EPB41L2: variants seen among roughly 807,000 people sequenced by gnomAD.
EPB41L2 encodes the protein band 4.1-like protein 2.
Under a neutral mutation model 113.0 loss-of-function variants are expected in EPB41L2, and 43 were observed. That is an observed-to-expected ratio of 0.38 (90% CI 0.30 to 0.49). The LOEUF is 0.49. EPB41L2 is among the 20% of genes least tolerant of loss of function. EPB41L2 has a pLI of 0.95. For synonymous variants in EPB41L2, 442 were observed against 436.7 expected, an observed-to-expected ratio of 1.01 and a Z score of -0.15; for missense variants, 1,147 against 1,223.4, an observed-to-expected ratio of 0.94 and a Z score of 0.93.
intron 14 of EPB41L2, among the ~76,000 whole-genome samples, chr6:130,872,150 AGGC>A (rs1275441070): frequency 9.9e-5 from 15 of 151,978 alleles, no homozygotes; most frequent in African/African-American, 3.1e-4. Flanking sequence ...CTCTGAATTT[AGGC>A]AGATTTTTTT....
chr6:130,940,855 T>C (rs946331655), intron 3 of EPB41L2, among the ~76,000 whole-genome samples: 2 of 152,304 alleles, frequency 1.3e-5, no homozygotes, highest in South Asian at 2.1e-4. Context: ...TTGGCACTTC[T>C]GTGCTTTTGT....
intron 1 of EPB41L2, among the ~76,000 whole-genome samples, chr6:130,961,745 T>C (rs1305153450): frequency 6.6e-6 from 1 of 152,182 alleles, no homozygotes; most frequent in Non-Finnish European, 1.5e-5. Context: ...GTAGCTCCCA[T>C]TCTTTGCTGA....
intron 19 of EPB41L2, among the ~76,000 whole-genome samples, chr6:130,857,522 T>C (rs1274698436): frequency 2.0e-5 from 3 of 151,920 alleles, no homozygotes; most frequent in Non-Finnish European, 4.4e-5. Flanking sequence ...AGAAATCTTT[T>C]CCTTTCTGGT....
chr6:130,881,762 T>C (rs1295812653), intron 12 of EPB41L2: 2 of 152,176 alleles, frequency 1.3e-5, no homozygotes, highest in African/African-American at 4.8e-5. Context: ...CTTAGTGTTA[T>C]ATAGTCTAAA....
chr6:131,019,356 T>C (rs78605985), intron 1 of EPB41L2, among the ~76,000 whole-genome samples: 1,584 of 152,336 alleles, frequency 0.01, 38 homozygotes, highest in African/African-American at 0.037. Flanking sequence ...CAGTATATTA[T>C]ATAAACTGCA....
intron 1 of EPB41L2, among the ~76,000 whole-genome samples, chr6:131,008,460 C>A (rs1206946868): frequency 1.3e-5 from 2 of 152,260 alleles, no homozygotes; most frequent in East Asian, 1.9e-4. Context: ...TCTGCTAGGG[C>A]AGTGCGGAAG....
intron 3 of EPB41L2, among the ~76,000 whole-genome samples, chr6:130,932,704 A>G (rs945271557): frequency 6.6e-6 from 1 of 152,162 alleles, no homozygotes; most frequent in Non-Finnish European, 1.5e-5. Flanking sequence ...TCCTTTTGAT[A>G]CTTATTACTT....
intron 8 of EPB41L2, among the ~76,000 whole-genome samples, chr6:130,896,994 C>T (rs1304323614): frequency 6.6e-6 from 1 of 152,088 alleles, no homozygotes; most frequent in East Asian, 1.9e-4. Flanking sequence ...AATGGCTCCC[C>T]ACAAGACGGC....
At chr6:130,907,716 A>T (rs1444805269) in intron 5 of EPB41L2, among the ~76,000 whole-genome samples, 1 of 152,200 alleles carries the variant, frequency 6.6e-6, no homozygotes, top group Non-Finnish European at 1.5e-5. Flanking sequence ...CCAAAAAGAT[A>T]AATAATTCGA....
intron 1 of EPB41L2, among the ~76,000 whole-genome samples, chr6:130,999,158 GTTC>G (rs1379228668): frequency 6.6e-6 from 1 of 151,998 alleles, no homozygotes; most frequent in African/African-American, 2.4e-5. Context: ...GCTCAATGCT[GTTC>G]TTCTCTCTCC....
intron 1 of EPB41L2, among the ~76,000 whole-genome samples, chr6:131,055,680 G>A (rs1006033163): frequency 1.3e-5 from 2 of 152,122 alleles, no homozygotes; most frequent in Admixed American, 6.5e-5. Context: ...CACAAGCTGG[G>A]TGCCCTTGAG....
intron 3 of EPB41L2, among the ~76,000 whole-genome samples, chr6:130,954,040 C>CTTTCTTTCTT (rs1816373036): frequency 2.4e-4 from 14 of 58,852 alleles, no homozygotes; most frequent in African/African-American, 7.5e-4. Flanking sequence ...CCTTTTCTTT[C>CTTTCTTTCTT]TTTTTTTTTT....
chr6:131,003,004 C>A (rs1013113194), intron 1 of EPB41L2, among the ~76,000 whole-genome samples: 1 of 152,120 alleles, frequency 6.6e-6, no homozygotes, highest in Admixed American at 6.5e-5. Context: ...ATTCTAATTC[C>A]AGCTATGAAA....
At chr6:130,873,663 GC>G (rs542468786) in intron 14 of EPB41L2, among the ~76,000 whole-genome samples, 198 of 152,164 alleles carry the variant, frequency 1.3e-3, no homozygotes, top group Middle Eastern at 6.8e-3. Context: ...ACGGGGTTTT[GC>G]CATGTTGGCC....
chr6:130,853,926 G>A (rs1779495781), intron 19 of EPB41L2, among the ~76,000 whole-genome samples: 1 of 152,156 alleles, frequency 6.6e-6, no homozygotes, highest in African/African-American at 2.4e-5. Context: ...CTGAAGCAGT[G>A]AAAACACACT....
At chr6:130,964,966 A>G (rs1774661688) in intron 1 of EPB41L2, among the ~76,000 whole-genome samples, 1 of 152,142 alleles carries the variant, frequency 6.6e-6, no homozygotes, top group Admixed American at 6.6e-5. Context: ...CTACTATATA[A>G]CTTGCACCTA....
rs117855152 is a variant in EPB41L2, at chr6:131,010,523, G to A, written c.-15+52632C>T. On this transcript the variant is annotated intron_variant, in intron 1 of 19. Transcript: ENST00000337057. ...TGCCTCCTGGGTTCAGGTAATTCTC[G>A]TGTCTCAGCCTCCCAAGTAGCTGGG... 0.02 allele frequency among the ~76,000 whole-genome samples: 2,976 copies of A among 150,612 alleles called. 179 individuals are homozygous for A. In the East Asian group the frequency reaches 0.26, roughly 13 times the overall value.
intron 3 of EPB41L2, among the ~76,000 whole-genome samples, chr6:130,944,208 A>ACAC (rs1811985797): frequency 2.2e-5 from 2 of 90,752 alleles, no homozygotes; most frequent in South Asian, 4.1e-4. Context: ...CACACACACA[A>ACAC]ATGCCCAAAT....
At chr6:130,923,513 C>T (rs573554185) in intron 4 of EPB41L2, among the ~76,000 whole-genome samples, 2 of 152,152 alleles carry the variant, frequency 1.3e-5, no homozygotes, top group South Asian at 4.1e-4. Flanking sequence ...TTTAAGCAGA[C>T]AGCTGCTCCA....
Sources: allele counts gnomAD v4.1 joint callset (sites outside exome capture counted in the v4.1 genomes callset), GRCh38; gene constraint gnomAD v4.1.1; transcripts MANE v1.5; gene names NCBI Gene and HGNC (gene_info 2026-07-23, HGNC 2026-07-21).